The following PRKN variants were observed in gnomAD, a reference collection of about 807,000 sequenced individuals.
PRKN encodes the protein parkin RBR E3 ubiquitin protein ligase.
Under a neutral mutation model 59.5 loss-of-function variants are expected in PRKN, and 56 were observed. That is an observed-to-expected ratio of 0.94 (90% CI 0.76 to 1.18). PRKN has a LOEUF of 1.18. Ranked by LOEUF, PRKN falls within the 50% of genes most tolerant of loss-of-function variation. PRKN has a pLI of 0.00. For synonymous variants in PRKN, 250 were observed against 222.1 expected (o/e 1.13, Z -1.12); for missense variants, 657 against 596.4 (o/e 1.10, Z -1.06).
At chr6:161,424,077 C>T (rs55643049) in intron 9 of PRKN, among the ~76,000 whole-genome samples, 2,348 of 152,220 alleles carry the variant, frequency 0.015, 73 homozygotes, top group African/African-American at 0.053. Flanking sequence ...TGGCTCATGT[C>T]TGTAATCCCA....
In PRKN at chr6:161,503,748, C is replaced by T. The variant is rs1276097428; in HGVS notation, c.1083+45106G>A. On this transcript the variant is annotated intron_variant, in intron 9 of 11. Transcript: ENST00000366898. The surrounding 1 kb of genome is among the most constrained non-coding windows in gnomAD (Gnocchi z 5.1). ...TTTAAAAAAGAGGTTGTAAACATCA[C>T]TCACTGCACCACAGGGTGGCCGTGA... Among the ~76,000 whole-genome samples the T allele has an allele frequency of 6.6e-6, 1 of 152,200 alleles. No homozygotes were observed. Among genetic ancestry groups the T allele is most frequent in the African/African-American group, 2.4e-5 (1 of 41,446 alleles).
chr6:162,690,051 A>G (rs949219054), intron 1 of PRKN, among the ~76,000 whole-genome samples: 9 of 89,186 alleles, frequency 1.0e-4, no homozygotes, highest in African/African-American at 3.8e-4. Flanking sequence ...AAGAGCATTG[A>G]TTTATTTTCT....
In PRKN at chr6:161,348,889, G is replaced by GA. The variant is rs200695402; in HGVS notation, c.*1209dup. On this transcript the variant is annotated 3_prime_UTR_variant, in exon 12 of 12. Coordinates refer to ENST00000366898, the MANE Select transcript of PRKN (RefSeq NM_004562.3). This position sits in a 1 kb window ranked among gnomAD's most constrained non-coding sequence, Gnocchi z 4.9. ...TCTTTTGATTGTGTTGTGAATGGCT[G>GA]AAAAAAAAGCTGAAAGTTTGATTGA... is the stretch of plus-strand genomic sequence containing the variant. 1.5e-3 allele frequency: 315 copies of GA among 204,670 alleles called. 1 individual carries two copies. The highest frequency in any genetic ancestry group is 6.0e-3 in the African/African-American group (264 of 43,770). 12.7% of individuals were successfully genotyped at this position (204,670 alleles called of 1,614,324 possible). A position where few individuals can be genotyped will look rare whatever the true frequency, so the allele number is the denominator to read the frequency against.
intron 1 of PRKN, among the ~76,000 whole-genome samples, chr6:162,568,153 T>C (rs569306755): frequency 1.4e-4 from 21 of 152,262 alleles, no homozygotes; most frequent in Admixed American, 3.3e-4. Flanking sequence ...CCTCAAACTA[T>C]GAAATTACTT....
intron 2 of PRKN, among the ~76,000 whole-genome samples, chr6:162,431,599 TA>T: frequency 6.6e-6 from 1 of 152,198 alleles, no homozygotes; most frequent in Admixed American, 6.5e-5. Flanking sequence ...ATTTATAGGT[TA>T]AACACTCTTT....
rs964638295 is a variant in PRKN at position 161,560,918 on chromosome 6, T to C, written c.933+8437A>G. Among the ~76,000 whole-genome samples, 2 of 152,194 alleles carry C rather than the reference T, an allele frequency of 1.3e-5. No homozygotes were observed. Among genetic ancestry groups the C allele is most frequent in the Non-Finnish European group, 2.9e-5 (2 of 68,038 alleles). On this transcript the variant is annotated intron_variant, in intron 8 of 11. Coordinates refer to ENST00000366898, the MANE Select transcript of PRKN (RefSeq NM_004562.3). This position sits in a 1 kb window ranked among gnomAD's most constrained non-coding sequence, Gnocchi z 4.9. ...GCCTGGAAAACACAGATTTCCGTGG[T>C]CTTCTTTATCTGATGGCAAAATTCC...
chr6:161,818,826 C>T lies in PRKN; in HGVS notation c.735-32918G>A, dbSNP rs114901456. The stretch of plus-strand genomic sequence containing the variant: ...TGTTTCCACACACTTCATAGAGCTA[C>T]GAACTGGAGAAGTCTTTGAATGTGG... On this transcript the variant is annotated intron_variant, in intron 6 of 11. Transcript: ENST00000366898. Among the ~76,000 whole-genome samples, 1,080 of 152,238 alleles carry T rather than the reference C, an allele frequency of 7.1e-3. 16 individuals carry two copies. Among genetic ancestry groups the T allele is most frequent in the African/African-American group, 0.025 (1,032 of 41,542 alleles).
intron 6 of PRKN, among the ~76,000 whole-genome samples, chr6:161,844,820 C>T (rs1793133997): frequency 6.6e-6 from 1 of 152,266 alleles, no homozygotes; most frequent in East Asian, 1.9e-4. Flanking sequence ...GGCCTGCCTG[C>T]CTCCTGGTGT....
intron 2 of PRKN, among the ~76,000 whole-genome samples, chr6:162,393,019 A>ATCATGCTTGGCATCATGCTTG (rs1562728171): frequency 2.0e-5 from 3 of 152,102 alleles, no homozygotes; most frequent in Non-Finnish European, 4.4e-5. Flanking sequence ...GCTTGGCTCA[A>ATCATGCTTGGCATCATGCTTG]GCTCTGCGCA....
intron 4 of PRKN, among the ~76,000 whole-genome samples, chr6:162,157,099 TA>T (rs200809096): frequency 6.6e-6 from 1 of 151,494 alleles, no homozygotes; most frequent in Admixed American, 6.6e-5. Context: ...TCTGGTTAAT[TA>T]AAAAAAAACT....
intron 9 of PRKN, among the ~76,000 whole-genome samples, chr6:161,490,019 A>G (rs765326921): frequency 1.2e-4 from 18 of 152,232 alleles, no homozygotes; most frequent in Non-Finnish European, 2.2e-4. Context: ...CTGCAGTGGC[A>G]TCAAGCCCCA....
At chr6:161,918,213 T>A (rs1159382542) in intron 6 of PRKN, among the ~76,000 whole-genome samples, 1 of 152,208 alleles carries the variant, frequency 6.6e-6, no homozygotes, top group Non-Finnish European at 1.5e-5. Flanking sequence ...TCAATTCACA[T>A]ATTTACCATG....
chr6:162,281,757 T>C (rs1780920298), intron 2 of PRKN, among the ~76,000 whole-genome samples: 1 of 152,192 alleles, frequency 6.6e-6, no homozygotes, highest in Admixed American at 6.5e-5. Context: ...ATAAGCATAA[T>C]ACCCAAAATA....
In PRKN at chr6:161,466,964, C is replaced by T. The variant is rs1310412922; in HGVS notation, c.1084-80087G>A. Among the ~76,000 whole-genome samples, 1 of 152,160 alleles carries T rather than the reference C, an allele frequency of 6.6e-6. No homozygotes were observed. Among genetic ancestry groups the T allele is most frequent in the Non-Finnish European group, 1.5e-5 (1 of 68,034 alleles). The stretch of plus-strand genomic sequence containing the variant: ...TCTTTTCAGGGCAAAGGAATGAAAT[C>T]TCATCAAGAGGTTCCTGTCTAGATT... On this transcript the variant is annotated intron_variant, in intron 9 of 11. Transcript: ENST00000366898. This position sits in a 1 kb window ranked among gnomAD's most constrained non-coding sequence, Gnocchi z 5.0.
At chr6:162,077,381 T>A (rs900658159) in intron 4 of PRKN, among the ~76,000 whole-genome samples, 1 of 152,074 alleles carries the variant, frequency 6.6e-6, no homozygotes, top group Non-Finnish European at 1.5e-5. Flanking sequence ...AATGACAAAA[T>A]CACCTAACAA....
At position 161,544,069 on chromosome 6, in the gene PRKN, TA is replaced by T. The variant is rs1779710529; in HGVS notation, c.1083+4784del. On this transcript the variant is annotated intron_variant, in intron 9 of 11. Coordinates refer to ENST00000366898, the MANE Select transcript of PRKN (RefSeq NM_004562.3). This position sits in a 1 kb window ranked among gnomAD's most constrained non-coding sequence, Gnocchi z 5.5. The stretch of plus-strand genomic sequence containing the variant: ...AGAGTGAGGCTAGACTAGTATTTGG[TA>T]CCAAAATACATTCTCTGCTGCGTTC... Among the ~76,000 whole-genome samples the T allele has an allele frequency of 6.6e-6, 1 of 152,212 alleles. No homozygotes were observed.
intron 4 of PRKN, among the ~76,000 whole-genome samples, chr6:162,055,516 T>G (rs1441965807): frequency 6.6e-6 from 1 of 151,988 alleles, no homozygotes; most frequent in Non-Finnish European, 1.5e-5. Context: ...CTCCTCACCG[T>G]GGGTGGAGCA....
intron 5 of PRKN, among the ~76,000 whole-genome samples, chr6:162,014,858 T>G (rs1782874997): frequency 6.6e-6 from 1 of 152,010 alleles, no homozygotes; most frequent in Admixed American, 6.6e-5. Context: ...CACCTCAGTG[T>G]GTAGAGGTCT....
intron 2 of PRKN, among the ~76,000 whole-genome samples, chr6:162,287,836 A>G (rs1781263982): frequency 6.6e-6 from 1 of 152,206 alleles, no homozygotes. Flanking sequence ...AGCCTAATGT[A>G]GAATTCGCAG....
Sources: allele counts gnomAD v4.1 joint callset (sites outside exome capture counted in the v4.1 genomes callset), GRCh38; gene constraint gnomAD v4.1.1; non-coding constraint Gnocchi (gnomAD v3.1); transcripts MANE v1.5; gene names NCBI Gene and HGNC (gene_info 2026-07-23, HGNC 2026-07-21).